CSNK2A2IP: variants seen among roughly 807,000 people sequenced by gnomAD.
CSNK2A2IP encodes casein kinase II subunit alpha'-interacting protein.
At chr3:88,381,844 T>C in the CSNK2A2IP span, among the ~76,000 whole-genome samples, 4 of 152,252 alleles carry the variant, frequency 2.6e-5, no homozygotes, top group Non-Finnish European at 4.4e-5. Context: ...ATTGTCATGA[T>C]GGTTTCATGG....
At chr3:88,386,237 G>T in the CSNK2A2IP span, among the ~76,000 whole-genome samples, 1 of 151,778 alleles carries the variant, frequency 6.6e-6, no homozygotes, top group Non-Finnish European at 1.5e-5. Flanking sequence ...CGATTCTCCC[G>T]CCTCAGTCTC....
At chr3:88,341,163 A>C in the CSNK2A2IP span, among the ~76,000 whole-genome samples, 1 of 151,886 alleles carries the variant, frequency 6.6e-6, no homozygotes, top group Non-Finnish European at 1.5e-5. Context: ...TTTTATTTTC[A>C]TTTTAGGGTT....
chr3:88,406,535 A>C, the CSNK2A2IP span, among the ~76,000 whole-genome samples: 10 of 152,202 alleles, frequency 6.6e-5, no homozygotes, highest in Admixed American at 5.9e-4. Flanking sequence ...CTCAACATTC[A>C]ATGATCAGAT....
At chr3:88,359,153 G>T in the CSNK2A2IP span, among the ~76,000 whole-genome samples, 1 of 151,254 alleles carries the variant, frequency 6.6e-6, no homozygotes, top group Admixed American at 6.6e-5. Context: ...TTTCTTCCAG[G>T]TTTCCTAGTT....
At chr3:88,352,051 G>A in the CSNK2A2IP span, among the ~76,000 whole-genome samples, 1 of 152,276 alleles carries the variant, frequency 6.6e-6, no homozygotes, top group South Asian at 2.1e-4. Flanking sequence ...GTAGCCAACA[G>A]TTGAATATTG....
chr3:88,425,054 A>G, the CSNK2A2IP span, among the ~76,000 whole-genome samples: 1 of 152,066 alleles, frequency 6.6e-6, no homozygotes, highest in Non-Finnish European at 1.5e-5. Context: ...TACATCATTA[A>G]CATATCATTT....
chr3:88,440,421 T>A, the CSNK2A2IP span, among the ~76,000 whole-genome samples: 4 of 151,602 alleles, frequency 2.6e-5, no homozygotes. Context: ...CAAAGAGGAG[T>A]TGTGTGGGAA....
At chr3:88,465,708 C>T in the CSNK2A2IP span, 1 of 1,231,630 alleles carries the variant, frequency 8.1e-7, no homozygotes. Flanking sequence ...CTCAAAGAGC[C>T]CTGAACTCTC....
At chr3:88,430,257 C>T in the CSNK2A2IP span, among the ~76,000 whole-genome samples, 2 of 152,022 alleles carry the variant, frequency 1.3e-5, no homozygotes, top group Non-Finnish European at 2.9e-5. Context: ...TAGGATATTG[C>T]ATCTATAGAA....
the CSNK2A2IP span, among the ~76,000 whole-genome samples, chr3:88,367,200 A>G: frequency 2.0e-5 from 3 of 152,148 alleles, no homozygotes; most frequent in Non-Finnish European, 4.4e-5. Context: ...TGTTATCAAA[A>G]GGACCTTCCC....
chr3:88,457,334 G>T, the CSNK2A2IP span, among the ~76,000 whole-genome samples: 1 of 151,940 alleles, frequency 6.6e-6, no homozygotes, highest in Non-Finnish European at 1.5e-5. Flanking sequence ...TGTTGGATTT[G>T]ACTGGCTAAA....
the CSNK2A2IP span, among the ~76,000 whole-genome samples, chr3:88,437,745 T>A: frequency 6.6e-6 from 1 of 152,188 alleles, no homozygotes; most frequent in East Asian, 1.9e-4. Flanking sequence ...AAAACAGGTG[T>A]TTTATTCAGG....
At chr3:88,430,558 A>G in the CSNK2A2IP span, among the ~76,000 whole-genome samples, 1 of 152,108 alleles carries the variant, frequency 6.6e-6, no homozygotes, top group Non-Finnish European at 1.5e-5. Context: ...TTACCAACAT[A>G]CTGATGAGAC....
the CSNK2A2IP span, among the ~76,000 whole-genome samples, chr3:88,440,264 A>G: frequency 6.6e-6 from 1 of 152,232 alleles, no homozygotes; most frequent in African/African-American, 2.4e-5. Context: ...TTTGCTAGAA[A>G]ATGCTAAAAT....
the CSNK2A2IP span, among the ~76,000 whole-genome samples, chr3:88,447,236 T>C: frequency 6.6e-6 from 1 of 152,116 alleles, no homozygotes; most frequent in East Asian, 1.9e-4. Flanking sequence ...AAAATTTAGC[T>C]GATTTTCAAG....
At chr3:88,460,426 G>A in the CSNK2A2IP span, among the ~76,000 whole-genome samples, 439 of 152,042 alleles carry the variant, frequency 2.9e-3, 2 homozygotes, top group African/African-American at 9.8e-3. Flanking sequence ...TAAACATTAC[G>A]TTCTTCACTA....
chr3:88,404,031 G>C, the CSNK2A2IP span, among the ~76,000 whole-genome samples: 1 of 151,870 alleles, frequency 6.6e-6, no homozygotes, highest in Non-Finnish European at 1.5e-5. Context: ...TCTTTTCTTG[G>C]TTTGCATATA....
chr3:88,341,161 T>C, the CSNK2A2IP span, among the ~76,000 whole-genome samples: 1 of 151,940 alleles, frequency 6.6e-6, no homozygotes, highest in East Asian at 1.9e-4. Flanking sequence ...ACTTTTATTT[T>C]CATTTTAGGG....
At chr3:88,401,845 A>G in the CSNK2A2IP span, among the ~76,000 whole-genome samples, 4 of 152,100 alleles carry the variant, frequency 2.6e-5, no homozygotes, top group Admixed American at 6.6e-5. Flanking sequence ...GCAGGAGAGA[A>G]TGAAGAAGCA....
Sources: allele counts gnomAD v4.1 joint callset (sites outside exome capture counted in the v4.1 genomes callset), GRCh38; gene constraint gnomAD v4.1.1; transcripts MANE v1.5; gene names NCBI Gene and HGNC (gene_info 2026-07-23, HGNC 2026-07-21).